The following TANC2 variants were observed in gnomAD, a reference collection of about 807,000 sequenced individuals.
TANC2 encodes the protein tetratricopeptide repeat, ankyrin repeat and coiled-coil containing 2, also known as protein TANC2.
In TANC2, 26 loss-of-function variants were observed where a neutral mutation model predicts 210.5. The ratio of observed to expected loss-of-function variants is 0.12; its 90% CI spans 0.09 to 0.17. TANC2 has a LOEUF of 0.17. TANC2 is among the 10% of genes least tolerant of loss of function. The pLI, the probability that TANC2 is intolerant of heterozygous loss-of-function variation, is 1.00. For synonymous variants in TANC2, 931 were observed against 967.1 expected (o/e 0.96, Z 0.69); for missense variants, 2,129 against 2,608.9 (o/e 0.82, Z 4.01).
chr17:63,313,813 A>C (rs1186245747), intron 9 of TANC2, among the ~76,000 whole-genome samples: 6 of 152,238 alleles, frequency 3.9e-5, no homozygotes, highest in African/African-American at 1.4e-4. Context: ...TAAAGAAACA[A>C]ACAAGCCTCT....
In TANC2 at chr17:63,284,577, A is replaced by G. The variant is rs1222396107; in HGVS notation, c.1159+16704A>G. Among the ~76,000 whole-genome samples the G allele has an allele frequency of 2.6e-5, 4 of 152,012 alleles. No homozygotes were observed. In the East Asian group the frequency reaches 7.7e-4, roughly 29 times the overall value. ...ACTTCCAGATATATTTCTGCTATCG[A>G]TTCCAAGTGTAATTTCACTGTTATC... On this transcript the variant is annotated intron_variant, in intron 9 of 27. Transcript: ENST00000689528.
chr17:63,221,122 T>C (rs766851484), intron 7 of TANC2, among the ~76,000 whole-genome samples: 6 of 151,936 alleles, frequency 3.9e-5, no homozygotes, highest in Non-Finnish European at 8.8e-5. Context: ...ATTTAAAATA[T>C]TTACTCCTCA....
intron 15 of TANC2, among the ~76,000 whole-genome samples, chr17:63,386,544 A>C (rs1180650953): frequency 6.6e-6 from 1 of 152,194 alleles, no homozygotes; most frequent in African/African-American, 2.4e-5. Context: ...GGTACATGAG[A>C]GCTTTACTAT....
intron 9 of TANC2, among the ~76,000 whole-genome samples, chr17:63,312,133 T>C (rs369486603): frequency 6.6e-6 from 1 of 152,216 alleles, no homozygotes; most frequent in African/African-American, 2.4e-5. Context: ...TAGAATCTAT[T>C]AGCTATGAGA....
At chr17:63,397,263 G>A (rs530538924) in intron 18 of TANC2, among the ~76,000 whole-genome samples, 74 of 151,722 alleles carry the variant, frequency 4.9e-4, no homozygotes, top group South Asian at 3.3e-3. Flanking sequence ...CAGCAAGAGC[G>A]AACTCCATCT....
Position 63,050,408 on chromosome 17 carries a change from C to G in TANC2, c.68-23535C>G, listed in dbSNP as rs183447463. ...AGTGGAAATATAGGGTAGGCAACTC[C>G]ATAAATATGAACTTCATGGATGAGG... On this transcript the variant is annotated intron_variant, in intron 2 of 27. Coordinates refer to ENST00000689528, the Ensembl canonical transcript of TANC2. Among the ~76,000 whole-genome samples the G allele has an allele frequency of 6.9e-4, 104 of 151,288 alleles. 1 individual carries two copies. Among genetic ancestry groups the G allele is most frequent in the Admixed American group, 1.9e-3 (29 of 15,202 alleles).
At chr17:63,257,664 G>A (rs1196186663) in intron 8 of TANC2, among the ~76,000 whole-genome samples, 1 of 152,078 alleles carries the variant, frequency 6.6e-6, no homozygotes, top group African/African-American at 2.4e-5. Context: ...CCAGCCACAG[G>A]TAACATCTTA....
chr17:63,014,744 C>T (rs1568318366), intron 2 of TANC2, among the ~76,000 whole-genome samples: 1 of 152,120 alleles, frequency 6.6e-6, no homozygotes, highest in East Asian at 1.9e-4. Context: ...TAAGGTTCTA[C>T]TGTAGTATTA....
chr17:63,021,821 G>A (rs115987303), intron 2 of TANC2, among the ~76,000 whole-genome samples: 264 of 152,316 alleles, frequency 1.7e-3, no homozygotes, highest in Middle Eastern at 0.01. Context: ...AAGACACCAA[G>A]AAATCCCTAG....
rs1389744695 is a variant in TANC2 at position 63,158,941 on chromosome 17, AG to A, written c.433+7564del. ...CAGATCTTCATGGGCTGTTGAACTG[AG>A]GGCTTCTATTCCTCACTGGTTTTCA... is the stretch of plus-strand genomic sequence containing the variant. On this transcript the variant is annotated intron_variant, in intron 5 of 27. Transcript: ENST00000689528. Among the ~76,000 whole-genome samples the A allele has an allele frequency of 2.0e-5, 3 of 152,268 alleles. No individual in the cohort carries two copies. The South Asian group carries it at 6.2e-4, about 32-fold the overall frequency.
At chr17:63,260,567 T>C (rs1012518586) in intron 8 of TANC2, among the ~76,000 whole-genome samples, 23 of 152,100 alleles carry the variant, frequency 1.5e-4, no homozygotes, top group Non-Finnish European at 2.5e-4. Flanking sequence ...GCTGATTGCT[T>C]TGAGCTCAAG....
intron 7 of TANC2, among the ~76,000 whole-genome samples, chr17:63,207,509 T>C (rs556465676): frequency 6.6e-5 from 10 of 152,256 alleles, no homozygotes; most frequent in African/African-American, 2.4e-4. Flanking sequence ...GCCACCACGC[T>C]CAGCCACAAA....
intron 2 of TANC2, among the ~76,000 whole-genome samples, chr17:63,023,044 G>C (rs891357161): frequency 7.9e-5 from 12 of 152,208 alleles, no homozygotes; most frequent in Admixed American, 6.5e-4. Context: ...GAATGTTGTA[G>C]AAAGCCCACA....
chr17:63,351,304 C>G, exon 13 of TANC2: 1 of 1,609,698 alleles, frequency 6.2e-7, no homozygotes, highest in Non-Finnish European at 8.5e-7. Context: ...TTAAATGAAG[C>G]AGAATTTCAC....
At chr17:63,075,626 G>A (rs1344715896) in intron 3 of TANC2, among the ~76,000 whole-genome samples, 1 of 152,006 alleles carries the variant, frequency 6.6e-6, no homozygotes. Context: ...TCCGCCTCCC[G>A]GGTTCAAGCG....
At chr17:63,225,639 C>T (rs2042307966) in intron 7 of TANC2, among the ~76,000 whole-genome samples, 1 of 152,142 alleles carries the variant, frequency 6.6e-6, no homozygotes, top group African/African-American at 2.4e-5. Flanking sequence ...GCCATTTGCC[C>T]CAGCCAGAAA....
intron 7 of TANC2, among the ~76,000 whole-genome samples, chr17:63,231,472 A>G (rs548575944): frequency 1.3e-5 from 2 of 152,310 alleles, no homozygotes; most frequent in Non-Finnish European, 2.9e-5. Context: ...AAATTCCTGC[A>G]GCATTTGCTT....
At chr17:63,357,165 C>T (rs1021585367) in intron 14 of TANC2, among the ~76,000 whole-genome samples, 1 of 152,142 alleles carries the variant, frequency 6.6e-6, no homozygotes, top group African/African-American at 2.4e-5. Context: ...TGTAGAATTG[C>T]CTAATAAACG....
intron 7 of TANC2, among the ~76,000 whole-genome samples, chr17:63,206,723 T>C (rs2041724144): frequency 6.6e-6 from 1 of 151,996 alleles, no homozygotes; most frequent in Non-Finnish European, 1.5e-5. Context: ...GTTGGTGGGA[T>C]GTGGAAATAG....
Sources: allele counts gnomAD v4.1 joint callset (sites outside exome capture counted in the v4.1 genomes callset), GRCh38; gene constraint gnomAD v4.1.1; transcripts MANE v1.5; gene names NCBI Gene and HGNC (gene_info 2026-07-23, HGNC 2026-07-21).